The following SETX variants were observed in gnomAD, a reference collection of about 807,000 sequenced individuals.
SETX encodes helicase senataxin.
In SETX, 90 loss-of-function variants were observed where a neutral mutation model predicts 227.2. The ratio of observed to expected loss-of-function variants is 0.40; its 90% confidence interval spans 0.33 to 0.47. The LOEUF is 0.47. Ranked by LOEUF, SETX falls within the 20% of genes least tolerant of loss-of-function variation. The probability of loss-of-function intolerance (pLI) is 0.91; values close to 1 mark genes in which losing one functional copy is unlikely to be tolerated. For synonymous variants in SETX, 1,210 were observed against 1,113.2 expected, an observed-to-expected ratio of 1.09 and a Z score of -1.73; for missense variants, 3,052 against 3,181.5, an observed-to-expected ratio of 0.96 and a Z score of 0.98.
intron 12 of SETX, 30 bp from the exon 13 acceptor site, chr9:132,298,342 C>T: frequency 6.5e-7 from 1 of 1,546,096 alleles, no homozygotes; most frequent in Non-Finnish European, 8.9e-7. Context: ...AAAGCAACTT[C>T]AGTTATCACT....
intron 1 of SETX, among the ~76,000 whole-genome samples, chr9:132,354,356 C>A (rs1173674135): frequency 2.0e-5 from 3 of 151,834 alleles, no homozygotes; most frequent in African/African-American, 7.3e-5. Flanking sequence ...ATTAGCCGGG[C>A]GTGGTGACGC....
At chr9:132,350,887 C>G (rs1322980757) in intron 2 of SETX, among the ~76,000 whole-genome samples, 5 of 152,144 alleles carry the variant, frequency 3.3e-5, no homozygotes, top group East Asian at 1.9e-4. Flanking sequence ...ATGAGTTACA[C>G]AGTTCTCATC....
At chr9:132,266,562 A>G (rs570803233) in intron 25 of SETX, among the ~76,000 whole-genome samples, 2 of 152,302 alleles carry the variant, frequency 1.3e-5, no homozygotes, top group African/African-American at 4.8e-5. Context: ...ACCTGAGGTC[A>G]GAGGTTCAAG....
chr9:132,349,228 T>C (rs1217510893), intron 3 of SETX, 24 bp downstream of exon 3: 2 of 1,610,648 alleles, frequency 1.2e-6, no homozygotes, highest in East Asian at 2.2e-5. Flanking sequence ...CTCTGAAAAA[T>C]ATTGCCCATC....
At chr9:132,340,181 G>C (rs62576491) in intron 5 of SETX, among the ~76,000 whole-genome samples, 1 of 151,704 alleles carries the variant, frequency 6.6e-6, no homozygotes, top group Non-Finnish European at 1.5e-5. Context: ...CAACAACTTG[G>C]CTTGGTTCTC....
At chr9:132,294,341 G>A (rs2131277106) in intron 15 of SETX, among the ~76,000 whole-genome samples, 1 of 152,254 alleles carries the variant, frequency 6.6e-6, no homozygotes, top group African/African-American at 2.4e-5. Flanking sequence ...TAATGCTCAA[G>A]TTTGAAATAA....
chr9:132,325,837 C>G lies in SETX; in HGVS notation c.5274+487G>C, dbSNP rs1442744674. Among the ~76,000 whole-genome samples the G allele has an allele frequency of 2.7e-5, 4 of 150,056 alleles. No individual in the cohort carries two copies. In the East Asian group the frequency reaches 8.1e-4, roughly 30 times the overall value. On this transcript the variant is annotated intron_variant, in intron 10 of 25. Transcript: ENST00000224140. Reference sequence around the variant, plus strand: ...ATCTCAGCTACTTGGGAGGCTGAGGCAGGAGAATCACTTGAACCTGGGAGG... The same window carrying G: ...ATCTCAGCTACTTGGGAGGCTGAGGGAGGAGAATCACTTGAACCTGGGAGG...
chr9:132,263,896 A>C lies in SETX; in HGVS notation c.*343T>G. 1 of 260,154 alleles carries C rather than the reference A, an allele frequency of 3.8e-6. No homozygotes were observed. Among genetic ancestry groups the C allele is most frequent in the East Asian group, 9.1e-5 (1 of 10,984 alleles). The allele number at this position is 260,154 out of a possible 1,614,324, so 16.1% of individuals were successfully genotyped here. ...GAAAGAAAAGCGGTCTACTAGATTAAATTTTAAAAGGATTTTGTTATTTGC... is the reference window on the plus strand; with the variant it reads ...GAAAGAAAAGCGGTCTACTAGATTACATTTTAAAAGGATTTTGTTATTTGC... On this transcript the variant is annotated 3_prime_UTR_variant, in exon 26 of 26. Transcript: ENST00000224140.
intron 18 of SETX, among the ~76,000 whole-genome samples, chr9:132,283,619 G>A (rs762372326): frequency 6.6e-6 from 1 of 152,138 alleles, no homozygotes; most frequent in African/African-American, 2.4e-5. Flanking sequence ...TGTGCTTCGC[G>A]GCTGAAACAC....
intron 7 of SETX, 38 bp from the exon 8 acceptor site, chr9:132,331,486 G>A (rs201203390): frequency 1.9e-6 from 3 of 1,598,932 alleles, no homozygotes; most frequent in South Asian, 2.2e-5. Flanking sequence ...TTACTAAACA[G>A]TTAGAAAAAC....
intron 4 of SETX, 87 bp from the exon 5 acceptor site, chr9:132,342,886 T>C: frequency 1.0e-6 from 1 of 994,946 alleles, no homozygotes; most frequent in Non-Finnish European, 1.6e-6. Flanking sequence ...ATTCTGTAAA[T>C]AAATAAAAAT....
intron 7 of SETX, 117 bp downstream of exon 7, chr9:132,334,490 CT>C (rs1847466015): frequency 8.4e-7 from 1 of 1,190,834 alleles, no homozygotes; most frequent in African/African-American, 1.5e-5. Context: ...GAATCTATTA[CT>C]AAACCAGAAA....
intron 25 of SETX, 186 bp downstream of exon 25, chr9:132,269,429 G>C: frequency 6.4e-7 from 1 of 1,573,790 alleles, no homozygotes; most frequent in Non-Finnish European, 8.7e-7. Flanking sequence ...AGATACTTGG[G>C]TTCTGGGCTG....
chr9:132,287,001 C>G (rs888413728), intron 17 of SETX, among the ~76,000 whole-genome samples: 1 of 152,198 alleles, frequency 6.6e-6, no homozygotes, highest in Non-Finnish European at 1.5e-5. Context: ...TCACCTTTCT[C>G]AGAAGAAATG....
At chr9:132,349,656 A>G (rs1036338803) in intron 2 of SETX, among the ~76,000 whole-genome samples, 39 of 152,244 alleles carry the variant, frequency 2.6e-4, no homozygotes, top group Admixed American at 2.4e-3. Context: ...AGCATTGTAT[A>G]AGGAATAAGT....
In SETX at chr9:132,327,174, A is replaced by G. The variant is rs765480069; in HGVS notation, c.4424T>C (p.Ile1475Thr). The G allele has an allele frequency of 3.1e-6, 5 of 1,614,196 alleles. No individual in the cohort carries two copies. The highest frequency in any genetic ancestry group is 2.2e-5 in the South Asian group (2 of 91,088). The change falls in exon 10 of 26, where the codon ATA becomes ACA. Residue 1475 changes from isoleucine to threonine, a missense_variant. Coordinates refer to ENST00000224140, the MANE Select transcript of SETX (RefSeq NM_015046.7). ...TCCTTCTTTCAAAGCTGCCATCTCT[A>G]TATGACGTGCTGTTGGATCACCTCC... Reference protein sequence around the residue: ...LGGGDPTARHIEMAALKEGEP... With the variant: ...LGGGDPTARHTEMAALKEGEP...
rs773431271 is a variant in SETX at position 132,331,383 on chromosome 9, A to G, written c.904T>C (p.Ser302Pro). The change falls in exon 8 of 26, where the codon TCT (serine) becomes CCT (proline). Residue 302 changes from serine (S) to proline (P), a missense_variant. By Grantham distance (74) the Ser-to-Pro change is moderately conservative (BLOSUM62 -1). Coordinates refer to ENST00000224140, the MANE Select transcript of SETX (RefSeq NM_015046.7). The stretch of plus-strand genomic sequence containing the variant: ...TCCATAAGTTGACCCCAGACCTTAG[A>G]TCCAAGGCGATCCAGAATCACCATA... ...CFMVILDRLG[S>P]KVWGQLMDPI... 6 of 1,614,018 alleles carry G rather than the reference A, an allele frequency of 3.7e-6. No individual in the cohort carries two copies. The highest frequency in any genetic ancestry group is 1.1e-5 in the South Asian group (1 of 91,082).
intron 23 of SETX, among the ~76,000 whole-genome samples, chr9:132,273,377 G>A (rs1264556539): frequency 6.6e-6 from 1 of 152,122 alleles, no homozygotes; most frequent in Non-Finnish European, 1.5e-5. Flanking sequence ...TGGCCAGGCT[G>A]GTCTTGAACT....
chr9:132,318,885 T>C (rs1215507255), intron 10 of SETX, among the ~76,000 whole-genome samples: 4 of 152,194 alleles, frequency 2.6e-5, no homozygotes, highest in Admixed American at 6.5e-5. Context: ...TTCCCATCTA[T>C]AGGAATTCTA....
Sources: gnomAD v4.1 joint callset for allele counts (sites outside exome capture counted in the v4.1 genomes callset) on GRCh38, gnomAD v4.1.1 for gene constraint, MANE v1.5 for transcripts, NCBI Gene and HGNC (gene_info 2026-07-23, HGNC 2026-07-21) for gene names.